KDM5C: variants seen among roughly 807,000 people sequenced by gnomAD.
The protein encoded by KDM5C is lysine demethylase 5C, also known as lysine-specific demethylase 5C.
A neutral mutation model predicts 110.6 loss-of-function variants in KDM5C; 16 were observed. That is an observed-to-expected ratio of 0.14 (90% CI 0.10 to 0.22). The LOEUF (loss-of-function observed/expected upper bound fraction) is 0.22, where lower values mean the gene tolerates loss of function less well. Among genes scored for constraint, KDM5C ranks in the 10% least tolerant of loss-of-function variants. KDM5C has a pLI of 1.00. For synonymous variants in KDM5C, 511 were observed against 520.4 expected, an observed-to-expected ratio of 0.98 and a Z score of 0.24; for missense variants, 681 against 1,300.9, an observed-to-expected ratio of 0.52 and a Z score of 7.33.
chrX:53,204,504 C>CT (rs1181625031), intron 12 of KDM5C, among the ~76,000 whole-genome samples: 113 of 106,752 alleles, frequency 1.1e-3, no homozygotes, highest in African/African-American at 2.4e-3. Flanking sequence ...TATCTCACAG[C>CT]TTTTTTTTTT....
Position 53,194,517 on chromosome X carries a change from G to A in KDM5C, c.3660C>T (p.Leu1220=), listed in dbSNP as rs373545419. ...AGGTGGGATTGGGCCTCGGAGAGCT[G>A]AGGAGGCGAGGCACTGACACACACC... ...HGRCVSVPRL[L]SSPRPNPTSS... The change falls in exon 23 of 26, where the codon CTC becomes CTT. Residue 1220 remains leucine (L), a synonymous_variant. Transcript: ENST00000375401. 5.4e-5 allele frequency: 65 copies of A among 1,209,772 alleles called. No individual in the cohort carries two copies. Among genetic ancestry groups the A allele is most frequent in the Non-Finnish European group, 2.8e-5 (25 of 894,779 alleles).
At chrX:53,183,887 T>A (rs1335546407) in intron 25 of KDM5C, among the ~76,000 whole-genome samples, 2 of 112,079 alleles carry the variant, frequency 1.8e-5, no homozygotes, top group Non-Finnish European at 3.8e-5. Context: ...TTTTCATTTC[T>A]GCAAAAAAGC....
chrX:53,198,971 G>A lies in KDM5C; in HGVS notation c.2243+6C>T, dbSNP rs1168546384. 8.3e-7 allele frequency: 1 copy of A among 1,211,754 alleles called. No individual in the cohort carries two copies. Among genetic ancestry groups the A allele is most frequent in the Admixed American group, 2.2e-5 (1 of 46,104 alleles). ...CCCCACTTCCTCCAGAAAGGCCCAT[G>A]CTCACCGCAGGTACTGCCGGCTACT... is the stretch of plus-strand genomic sequence containing the variant. On this transcript the variant is annotated splice_donor_region_variant and intron_variant, in intron 15 of 25. Transcript: ENST00000375401.
chrX:53,221,647 G>A (rs1165231083), intron 1 of KDM5C: 1 of 718,072 alleles, frequency 1.4e-6, no homozygotes, highest in Non-Finnish European at 1.9e-6. Flanking sequence ...GACACTGCAG[G>A]GAAGAGCAAG....
In KDM5C at chrX:53,194,509, G is replaced by A. The variant is rs199817424; in HGVS notation, c.3668C>T (p.Pro1223Leu). 5 of 1,209,584 alleles carry A rather than the reference G, an allele frequency of 4.1e-6. No individual in the cohort carries two copies. Among genetic ancestry groups the A allele is most frequent in the Admixed American group, 4.4e-5 (2 of 45,875 alleles). ...CVSVPRLLSS[P>L]RPNPTSSPLL... ...TGGGGATGAGGTGGGATTGGGCCTCGGAGAGCTGAGGAGGCGAGGCACTGA... is the reference window on the plus strand; with the variant it reads ...TGGGGATGAGGTGGGATTGGGCCTCAGAGAGCTGAGGAGGCGAGGCACTGA... The change falls in exon 23 of 26, where the codon CCG (proline) becomes CTG (leucine). Residue 1223 changes from proline (P) to leucine (L), a missense_variant. Coordinates refer to ENST00000375401, the MANE Select transcript of KDM5C (RefSeq NM_004187.5).
At chrX:53,193,950 G>A in intron 23 of KDM5C, 99 bp from the exon 24 acceptor site, 1 of 953,256 alleles carries the variant, frequency 1.0e-6, no homozygotes, top group Non-Finnish European at 1.5e-6. Context: ...CCGCCTTCTG[G>A]AGGAGGAGGG....
Position 53,192,867 on chromosome X carries a change from C to CCCCCCCCCCCCCCCCCCCCCCCA in KDM5C, c.*99_*100insTGGGGGGGGGGGGGGGGGGGGGG. The CCCCCCCCCCCCCCCCCCCCCCCA allele has an allele frequency of 2.4e-6, 2 of 821,413 alleles. No homozygotes were observed. The highest frequency in any genetic ancestry group is 3.3e-6 in the Non-Finnish European group (2 of 612,592). 67.7% of individuals were successfully genotyped at this position (821,413 alleles called of 1,213,427 possible). ...GCGGGTAGCAGGGATGGCCACCCCC[C>CCCCCCCCCCCCCCCCCCCCCCCA]TACCCGCCCACCCCCCAAGAAGCAG... On this transcript the variant is annotated 3_prime_UTR_variant, in exon 26 of 26. Coordinates refer to ENST00000375401, the MANE Select transcript of KDM5C (RefSeq NM_004187.5).
In KDM5C at chrX:53,193,023, G is replaced by A. The variant is rs1934535312; in HGVS notation, c.4627C>T (p.Leu1543=). Residue 1543 remains leucine (L), a synonymous_variant, in exon 26 of 26, where the codon CTG becomes TTG. Transcript: ENST00000375401. ...CAGGGCAGATGCAGCCGGGGAGTCA[G>A]AGTGGAGAAAGGGGCCGAGGGGCCT... ...TSGPSAPFST[L]TPRLHLPCPQ... The A allele has an allele frequency of 8.4e-7, 1 of 1,190,386 alleles. No individual in the cohort carries two copies. Among genetic ancestry groups the A allele is most frequent in the African/African-American group, 1.8e-5 (1 of 56,138 alleles).
chrX:53,218,071 C>T (rs1304770899), intron 3 of KDM5C, 105 bp from the exon 4 acceptor site: 1 of 927,647 alleles, frequency 1.1e-6, no homozygotes, highest in African/African-American at 2.0e-5. Flanking sequence ...ACTCTAGTCC[C>T]TCACTTCACT....
chrX:53,216,232 A>G (rs977968583), intron 5 of KDM5C, 35 bp from the exon 6 acceptor site: 2 of 1,208,087 alleles, frequency 1.7e-6, no homozygotes, highest in Middle Eastern at 2.3e-4. Context: ...CAAGACTGCT[A>G]TCTGGGGCAG....
chrX:53,209,379 A>C (rs1283841287), intron 12 of KDM5C, among the ~76,000 whole-genome samples: 1 of 111,132 alleles, frequency 9.0e-6, no homozygotes, highest in African/African-American at 3.3e-5. Context: ...TCCTTGGTTA[A>C]ATATCACTAA....
chrX:53,194,204 G>A lies in KDM5C; in HGVS notation c.3973C>T (p.Pro1325Ser), dbSNP rs1556833827. 8.3e-7 allele frequency: 1 copy of A among 1,209,813 alleles called. No homozygotes were observed. The highest frequency in any genetic ancestry group is 2.2e-5 in the Admixed American group (1 of 45,922). The change falls in exon 23 of 26, where the codon CCT becomes TCT. Residue 1325 changes from proline (P) to serine (S), a missense_variant. Physicochemically the swap from Pro to Ser is moderately conservative, Grantham distance 74 (BLOSUM62 -1). Transcript: ENST00000375401. ...GAAGCAGGGGCTGCAGGGTAGTTAGGAGGCTCCTCAGGTCTAGGTTCAGCC... is the reference window on the plus strand; with the variant it reads ...GAAGCAGGGGCTGCAGGGTAGTTAGAAGGCTCCTCAGGTCTAGGTTCAGCC... ...LQAEPRPEEP[P>S]NYPAAPASDP... is the part of the protein sequence containing the mutation.
chrX:53,223,810 T>C (rs1380691463), intron 1 of KDM5C, among the ~76,000 whole-genome samples: 1 of 111,518 alleles, frequency 9.0e-6, no homozygotes, highest in Non-Finnish European at 1.9e-5. Flanking sequence ...CTCTGGGATC[T>C]CCTACATCCT....
chrX:53,215,951 G>T lies in KDM5C; in HGVS notation c.807C>A (p.Pro269=), dbSNP rs1415151995. 4 of 1,211,711 alleles carry T rather than the reference G, an allele frequency of 3.3e-6. No individual in the cohort carries two copies. In the East Asian group the frequency reaches 8.9e-5, roughly 27 times the overall value. The stretch of plus-strand genomic sequence containing the variant: ...CTAACTCCTCCTTCACCACTACTGT[G>T]GGGGGACACTCAGGCCCCTCCTTAT... ...KKDKEGPECP[P]TVVVKEELGG... Residue 269 remains proline (P), a synonymous_variant, in exon 7 of 26, where the codon CCC becomes CCA. Coordinates refer to ENST00000375401, the MANE Select transcript of KDM5C (RefSeq NM_004187.5).
intron 25 of KDM5C, among the ~76,000 whole-genome samples, chrX:53,181,933 C>G (rs782570238): frequency 1.8e-5 from 2 of 109,335 alleles, no homozygotes; most frequent in African/African-American, 6.7e-5. Flanking sequence ...GGACTACAGG[C>G]GCCCACCACC....
intron 8 of KDM5C, 94 bp downstream of exon 8, chrX:53,214,595 G>A (rs181398185): frequency 5.9e-6 from 6 of 1,010,052 alleles, no homozygotes; most frequent in Non-Finnish European, 8.2e-6. Flanking sequence ...CAAAACCTAA[G>A]ACTATGGCTG....
At position 53,193,178 on chromosome X, in the gene KDM5C, T is replaced by C; in HGVS notation, c.4472A>G (p.Glu1491Gly). The change falls in exon 26 of 26, where the codon GAG (glutamate) becomes GGG (glycine). Residue 1491 changes from glutamate (E) to glycine (G), a missense_variant. Transcript: ENST00000375401. Reference sequence around the variant, plus strand: ...CTCCAGCTCTTCCTCCTCCTGGACCTCCTCAGCCTCTGGCCCTGAGCTCCG... The same window carrying C: ...CTCCAGCTCTTCCTCCTCCTGGACCCCCTCAGCCTCTGGCCCTGAGCTCCG... ...RVRSSGPEAE[E>G]VQEEEELEEE... 2 of 1,210,528 alleles carry C rather than the reference T, an allele frequency of 1.7e-6. No individual in the cohort carries two copies. Among genetic ancestry groups the C allele is most frequent in the Non-Finnish European group, 2.2e-6 (2 of 895,225 alleles).
rs1415233904 is a variant in KDM5C at position 53,221,464 on chromosome X, T to C, written c.151-548A>G. Among the ~76,000 whole-genome samples, 18 of 112,134 alleles carry C rather than the reference T, an allele frequency of 1.6e-4. No individual in the cohort carries two copies. The Admixed American group carries it at 1.7e-3, about 11-fold the overall frequency. On this transcript the variant is annotated intron_variant, in intron 1 of 25. Transcript: ENST00000375401. The stretch of plus-strand genomic sequence containing the variant: ...TCCTTGCCAGACCAATATGGAAAAT[T>C]AAAACTAGTTTTCAAATGAAAATGT...
At chrX:53,188,655 G>A (rs782305551), downstream of KDM5C, among the ~76,000 whole-genome samples, 4 of 111,602 alleles carry the variant, frequency 3.6e-5, no homozygotes, top group East Asian at 8.4e-4. Flanking sequence ...GATTACAGGT[G>A]TGAGCCACTG....
Sources: gnomAD v4.1 joint callset for allele counts (sites outside exome capture counted in the v4.1 genomes callset) on GRCh38, gnomAD v4.1.1 for gene constraint, MANE v1.5 for transcripts, NCBI Gene and HGNC (gene_info 2026-07-23, HGNC 2026-07-21) for gene names.